Variants in STK10 observed in about 807,000 individuals in gnomAD.
The protein encoded by STK10 is serine/threonine kinase 10.
Under a neutral mutation model 113.8 loss-of-function variants are expected in STK10, and 78 were observed. The ratio of observed to expected loss-of-function variants is 0.69; its 90% CI spans 0.57 to 0.83. The LOEUF is 0.83. Among genes scored for constraint, STK10 ranks in the 40% least tolerant of loss-of-function variants. The pLI is 0.00. For missense variants in STK10, 1,109 were observed against 1,280.1 expected, an observed-to-expected ratio of 0.87 and a Z score of 2.04; for synonymous variants, 465 against 494.7, an observed-to-expected ratio of 0.94 and a Z score of 0.80.
At chr5:172,050,244 G>C (rs1445264253) in intron 18 of STK10, among the ~76,000 whole-genome samples, 1 of 152,204 alleles carries the variant, frequency 6.6e-6, no homozygotes, top group Non-Finnish European at 1.5e-5. Context: ...CCTGTGTGAG[G>C]AAATGAGAAC....
At chr5:172,165,839 G>C (rs1438809006) in intron 1 of STK10, among the ~76,000 whole-genome samples, 1 of 151,958 alleles carries the variant, frequency 6.6e-6, no homozygotes, top group Non-Finnish European at 1.5e-5. Context: ...TGTTGCCCAG[G>C]CTGGAGTGCA....
chr5:172,058,547 C>T (rs931017873), intron 14 of STK10, among the ~76,000 whole-genome samples: 1 of 152,156 alleles, frequency 6.6e-6, no homozygotes, highest in African/African-American at 2.4e-5. Context: ...CGTCAAAAGT[C>T]CACAGGCACC....
In STK10 at chr5:172,064,621, T is replaced by C. The variant is rs897391443; in HGVS notation, c.2082+99A>G. On this transcript the variant is annotated intron_variant, in intron 13 of 18. Transcript: ENST00000176763. The stretch of plus-strand genomic sequence containing the variant: ...GATTTAGGTATTCAGAACGGGGTAT[T>C]TGAGGGGCAGGGATTGGGCAAAGGC... The C allele has an allele frequency of 2.4e-6, 3 of 1,272,694 alleles. No individual in the cohort carries two copies. The East Asian group carries it at 6.9e-5, about 29-fold the overall frequency. The allele number at this position is 1,272,694 out of a possible 1,614,324, so 78.8% of individuals were successfully genotyped here.
chr5:172,072,335 C>T (rs1045408379), intron 12 of STK10, among the ~76,000 whole-genome samples: 7 of 152,028 alleles, frequency 4.6e-5, no homozygotes, highest in African/African-American at 1.4e-4. Context: ...GGCGCAATCT[C>T]GGCTCACTGC....
intron 10 of STK10, among the ~76,000 whole-genome samples, chr5:172,088,797 C>G (rs1768626699): frequency 6.6e-6 from 1 of 152,134 alleles, no homozygotes; most frequent in African/African-American, 2.4e-5. Context: ...AGACCCAGGG[C>G]AAGTGACTTA....
intron 10 of STK10, among the ~76,000 whole-genome samples, chr5:172,086,599 T>C (rs1198013883): frequency 6.6e-6 from 1 of 152,186 alleles, no homozygotes; most frequent in African/African-American, 2.4e-5. Context: ...TCTGAGAATG[T>C]GATAAATGCT....
chr5:172,183,688 G>C (rs747296523), intron 1 of STK10, among the ~76,000 whole-genome samples: 1 of 151,990 alleles, frequency 6.6e-6, no homozygotes, highest in African/African-American at 2.4e-5. Flanking sequence ...AACTCCTGAC[G>C]TCAAGTGATC....
chr5:172,122,627 G>A (rs1392575856), intron 3 of STK10, among the ~76,000 whole-genome samples: 1 of 150,826 alleles, frequency 6.6e-6, no homozygotes. Flanking sequence ...TTGTTTATTT[G>A]TTTTGTTTTG....
At chr5:172,165,050 C>T (rs1236706707) in intron 1 of STK10, among the ~76,000 whole-genome samples, 13 of 152,128 alleles carry the variant, frequency 8.5e-5, no homozygotes, top group Admixed American at 8.5e-4. Context: ...GGGGATAACC[C>T]TCCCAGCCGG....
chr5:172,175,921 G>A (rs952924911), intron 1 of STK10, among the ~76,000 whole-genome samples: 10 of 152,158 alleles, frequency 6.6e-5, no homozygotes, highest in Non-Finnish European at 1.5e-4. Context: ...TACCTTTCAT[G>A]GGGATACGAG....
intron 7 of STK10, among the ~76,000 whole-genome samples, chr5:172,101,397 G>T (rs558418308): frequency 8.6e-5 from 13 of 151,970 alleles, no homozygotes; most frequent in Non-Finnish European, 1.8e-4. Context: ...CTTGAACCCA[G>T]GGGGTGGAGG....
At chr5:172,056,412 G>C (rs1767757871) in intron 15 of STK10, among the ~76,000 whole-genome samples, 1 of 152,228 alleles carries the variant, frequency 6.6e-6, no homozygotes, top group African/African-American at 2.4e-5. Flanking sequence ...ACACAGAGTA[G>C]GGGCCCTCAC....
intron 12 of STK10, among the ~76,000 whole-genome samples, chr5:172,080,674 G>A (rs2051171068): frequency 6.6e-6 from 1 of 152,254 alleles, no homozygotes; most frequent in African/African-American, 2.4e-5. Context: ...TGTGAAGGCT[G>A]AGAGAGGTGA....
rs375927323 is a variant in STK10, at chr5:172,054,726, G to A, written c.2527-32C>T. On this transcript the variant is annotated intron_variant, in intron 16 of 18. Transcript: ENST00000176763. Reference sequence around the variant, plus strand: ...CAGAGAGAGGGTGGGTGCCTCAGGGGACCAGGGCCTGGCTGGTTGGGTAGG... The same window carrying A: ...CAGAGAGAGGGTGGGTGCCTCAGGGAACCAGGGCCTGGCTGGTTGGGTAGG... 7 of 1,604,616 alleles carry A rather than the reference G, an allele frequency of 4.4e-6. No homozygotes were observed. In the African/African-American group the frequency reaches 5.3e-5, roughly 12 times the overall value.
chr5:172,055,506 A>G, intron 16 of STK10, 82 bp downstream of exon 16: 1 of 1,265,176 alleles, frequency 7.9e-7, no homozygotes. Context: ...ATTCTCCAAA[A>G]CTGTATAAGG....
chr5:172,066,767 A>G (rs1178964636), intron 12 of STK10, among the ~76,000 whole-genome samples: 1 of 152,232 alleles, frequency 6.6e-6, no homozygotes, highest in Non-Finnish European at 1.5e-5. Flanking sequence ...AGCCTGAGGG[A>G]CAGAGCGAGA....
intron 1 of STK10, among the ~76,000 whole-genome samples, chr5:172,186,670 G>A (rs1029565121): frequency 2.0e-5 from 3 of 152,118 alleles, no homozygotes; most frequent in African/African-American, 7.2e-5. Context: ...CAAGCCTCTA[G>A]GGCAGTACTT....
At position 172,187,964 on chromosome 5, in the gene STK10, G is replaced by A. The variant is rs1403526004; in HGVS notation, c.79C>T (p.Arg27Cys). The A allele has an allele frequency of 5.0e-6, 8 of 1,613,628 alleles. No homozygotes were observed. The Middle Eastern group carries it at 4.9e-4, about 100-fold the overall frequency. Residue 27 changes from arginine (R) to cysteine (C), a missense_variant, in exon 1 of 19, where the codon CGC becomes TGC. Transcript: ENST00000176763. The surrounding 1 kb of genome is among the most constrained non-coding windows in gnomAD (Gnocchi z 4.6). ...ACCTCGTTGGGGTCCAGGTCGCGGC[G>A]GACGTGCTCATATTCGCGGGACTTT... The part of the protein sequence containing the change: ...KRKSREYEHV[R>C]RDLDPNEVWE...
chr5:172,146,921 C>A (rs979583384), intron 2 of STK10, among the ~76,000 whole-genome samples: 4 of 152,202 alleles, frequency 2.6e-5, no homozygotes, highest in African/African-American at 9.7e-5. Context: ...CGGGAGACAG[C>A]GTCAGATCTC....
Sources: allele counts gnomAD v4.1 joint callset (sites outside exome capture counted in the v4.1 genomes callset), GRCh38; gene constraint gnomAD v4.1.1; non-coding constraint Gnocchi (gnomAD v3.1); transcripts MANE v1.5; gene names NCBI Gene and HGNC (gene_info 2026-07-23, HGNC 2026-07-21).